Variants in AUTS2 observed in about 807,000 individuals in gnomAD.
AUTS2 encodes the protein autism susceptibility gene 2 protein.
Under a neutral mutation model 112.4 loss-of-function variants are expected in AUTS2, and 17 were observed. The ratio of observed to expected loss-of-function variants is 0.15; its 90% CI spans 0.10 to 0.23. The LOEUF (loss-of-function observed/expected upper bound fraction) is 0.23. Among genes scored for constraint, AUTS2 ranks in the 10% least tolerant of loss-of-function variants. AUTS2 has a pLI of 1.00. For synonymous variants in AUTS2, 751 were observed against 702.7 expected (o/e 1.07, Z -1.09); for missense variants, 1,510 against 1,701.6 (o/e 0.89, Z 1.98).
chr7:70,728,622 C>G (rs1169299655), intron 6 of AUTS2, among the ~76,000 whole-genome samples: 3 of 149,282 alleles, frequency 2.0e-5, no homozygotes, highest in Admixed American at 6.8e-5. Context: ...GCGGGAAAAT[C>G]ACTTGAACCT....
At chr7:70,399,434 C>T (rs942613200) in intron 4 of AUTS2, among the ~76,000 whole-genome samples, 1 of 151,788 alleles carries the variant, frequency 6.6e-6, no homozygotes, top group Non-Finnish European at 1.5e-5. Flanking sequence ...TATCATCTTT[C>T]TTATATAAAT....
At chr7:70,643,611 T>C (rs944481427) in intron 5 of AUTS2, among the ~76,000 whole-genome samples, 8 of 152,172 alleles carry the variant, frequency 5.3e-5, no homozygotes, top group Admixed American at 4.6e-4. Context: ...ACCTAAGTTA[T>C]CTTTCCTCAA....
intron 11 of AUTS2, among the ~76,000 whole-genome samples, chr7:70,773,128 T>C (rs188833332): frequency 6.6e-6 from 1 of 152,336 alleles, no homozygotes; most frequent in African/African-American, 2.4e-5. Context: ...AGCTTAATTG[T>C]TAGTTGTACT....
chr7:70,614,846 T>A (rs1391674857), intron 5 of AUTS2, among the ~76,000 whole-genome samples: 1 of 152,198 alleles, frequency 6.6e-6, no homozygotes, highest in African/African-American at 2.4e-5. Context: ...TCACTTCCCC[T>A]GGCTGGTCGG....
intron 5 of AUTS2, among the ~76,000 whole-genome samples, chr7:70,503,555 G>A (rs894134967): frequency 1.1e-4 from 14 of 130,574 alleles, no homozygotes; most frequent in African/African-American, 3.8e-4. Flanking sequence ...TTCTCTCTCT[G>A]TTGTCCAGGC....
At chr7:70,722,520 GAGA>G (rs1221905830) in intron 6 of AUTS2, among the ~76,000 whole-genome samples, 25 of 152,140 alleles carry the variant, frequency 1.6e-4, no homozygotes, top group Admixed American at 3.9e-4. Context: ...TTTTCTTGTA[GAGA>G]TTAGTTTGTT....
chr7:69,839,055 T>C (rs963707941), intron 1 of AUTS2, among the ~76,000 whole-genome samples: 5 of 152,150 alleles, frequency 3.3e-5, no homozygotes, highest in African/African-American at 9.7e-5. Flanking sequence ...TGTAGCTGCA[T>C]TATTGTAGAT....
intron 4 of AUTS2, among the ~76,000 whole-genome samples, chr7:70,231,761 T>A (rs1812066408): frequency 7.7e-5 from 1 of 12,956 alleles, no homozygotes; most frequent in African/African-American, 2.0e-4. Context: ...GGTTTTTTTG[T>A]TTGTTTGTTT....
intron 1 of AUTS2, among the ~76,000 whole-genome samples, chr7:69,631,416 G>T (rs1156505189): frequency 6.6e-6 from 1 of 152,148 alleles, no homozygotes; most frequent in Non-Finnish European, 1.5e-5. Context: ...TAACATCTGG[G>T]TCAGGGTCAG....
At chr7:70,218,245 C>G (rs906483614) in intron 4 of AUTS2, among the ~76,000 whole-genome samples, 3 of 152,318 alleles carry the variant, frequency 2.0e-5, no homozygotes, top group Admixed American at 6.5e-5. Flanking sequence ...AATGCTACAT[C>G]GTTTCTGACT....
At chr7:69,766,138 A>C (rs1009593086) in intron 1 of AUTS2, among the ~76,000 whole-genome samples, 30 of 152,122 alleles carry the variant, frequency 2.0e-4, no homozygotes, top group Admixed American at 8.5e-4. Context: ...GGAAACCACC[A>C]TTCTGGTTTT....
At chr7:69,702,697 T>G (rs954116492) in intron 1 of AUTS2, among the ~76,000 whole-genome samples, 1 of 152,070 alleles carries the variant, frequency 6.6e-6, no homozygotes, top group African/African-American at 2.4e-5. Flanking sequence ...AAATGCAGAT[T>G]TGGGGACTCC....
chr7:70,762,602 C>A (rs182327545), intron 6 of AUTS2, among the ~76,000 whole-genome samples: 6 of 152,264 alleles, frequency 3.9e-5, no homozygotes, highest in Admixed American at 6.5e-5. Flanking sequence ...CTCCTCTGGC[C>A]AGTTGGCCTT....
At chr7:70,647,722 C>T (rs1172071444) in intron 5 of AUTS2, among the ~76,000 whole-genome samples, 1 of 152,156 alleles carries the variant, frequency 6.6e-6, no homozygotes, top group Non-Finnish European at 1.5e-5. Flanking sequence ...CTCTTCTGCC[C>T]ACCACCCTCT....
intron 5 of AUTS2, among the ~76,000 whole-genome samples, chr7:70,630,235 G>T (rs1432543409): frequency 6.6e-6 from 1 of 152,136 alleles, no homozygotes; most frequent in Non-Finnish European, 1.5e-5. Context: ...GGAAAGCTGG[G>T]CTCTGGCTGG....
At chr7:69,607,601 A>T (rs1048850568) in intron 1 of AUTS2, among the ~76,000 whole-genome samples, 13 of 152,172 alleles carry the variant, frequency 8.5e-5, no homozygotes, top group Non-Finnish European at 1.3e-4. Flanking sequence ...AATTCTAGTT[A>T]GTTTGTTTGC....
chr7:70,159,510 T>TA (rs1807962346), intron 4 of AUTS2, among the ~76,000 whole-genome samples: 1 of 152,214 alleles, frequency 6.6e-6, no homozygotes, highest in Non-Finnish European at 1.5e-5. Flanking sequence ...CAGGGAGTCA[T>TA]ACACAGGAGG....
chr7:70,350,465 G>A (rs1438223193), intron 4 of AUTS2, among the ~76,000 whole-genome samples: 5 of 152,170 alleles, frequency 3.3e-5, no homozygotes, highest in African/African-American at 4.8e-5. Context: ...CACAAGGTGC[G>A]AAGGAGGTGC....
At chr7:69,983,635 A>G (rs978408615) in intron 2 of AUTS2, among the ~76,000 whole-genome samples, 3 of 152,198 alleles carry the variant, frequency 2.0e-5, no homozygotes, top group Admixed American at 6.5e-5. Flanking sequence ...GTTGCCTGTT[A>G]AATTGCTATT....
Sources: gnomAD v4.1 joint callset for allele counts (sites outside exome capture counted in the v4.1 genomes callset) on GRCh38, gnomAD v4.1.1 for gene constraint, MANE v1.5 for transcripts, NCBI Gene and HGNC (gene_info 2026-07-23, HGNC 2026-07-21) for gene names.